SNAP91: variants seen among roughly 807,000 people sequenced by gnomAD.
The protein encoded by SNAP91 is synaptosome associated protein 91.
In SNAP91, 27 loss-of-function variants were observed where a neutral mutation model predicts 100.3. The ratio of observed to expected loss-of-function variants is 0.27; its 90% CI spans 0.20 to 0.37. SNAP91 has a LOEUF of 0.37. SNAP91 is among the 10% of genes least tolerant of loss of function. SNAP91 has a pLI of 1.00. For synonymous variants in SNAP91, 404 were observed against 398.6 expected (o/e 1.01, Z -0.16); for missense variants, 986 against 1,123.7 (o/e 0.88, Z 1.75).
intron 7 of SNAP91, among the ~76,000 whole-genome samples, chr6:83,651,004 A>C (rs2098179803): frequency 6.6e-6 from 1 of 152,202 alleles, no homozygotes; most frequent in African/African-American, 2.4e-5. Context: ...GTATCTTTCA[A>C]GGAGTTGGTC....
rs774185978 is a variant in SNAP91, at chr6:83,593,258, A to G, written c.1698T>C (p.Asp566=). 4 of 1,587,178 alleles carry G rather than the reference A, an allele frequency of 2.5e-6. No individual in the cohort carries two copies. The East Asian group carries it at 9.1e-5, about 36-fold the overall frequency. Residue 566 remains aspartate (D), a splice_region_variant and synonymous_variant, in exon 19 of 30, where the codon GAT becomes GAC. Coordinates refer to ENST00000369694, the MANE Select transcript of SNAP91 (RefSeq NM_001242792.2). ...CAACTTCAGGAGTGGACTCAAATAA[A>G]TCTAAGACCAAGAACACACATGCCT... ...TAPPALDIFG[D]LFESTPEVAA...
intron 5 of SNAP91, among the ~76,000 whole-genome samples, chr6:83,660,864 A>T (rs1391312696): frequency 6.6e-6 from 1 of 151,266 alleles, no homozygotes; most frequent in Non-Finnish European, 1.5e-5. Context: ...CTGTAGCCTC[A>T]GTCTCCTAGG....
Position 83,665,424 on chromosome 6 carries a change from G to A in SNAP91, c.273+15C>T. On this transcript the variant is annotated intron_variant, in intron 3 of 29. Coordinates refer to ENST00000369694, the MANE Select transcript of SNAP91 (RefSeq NM_001242792.2). Reference sequence around the variant, plus strand: ...TCCTTCCTCCATCAAAAAAAGAAAAGTTTACTTAGTTTACCTCATTTCCAT... The same window carrying A: ...TCCTTCCTCCATCAAAAAAAGAAAAATTTACTTAGTTTACCTCATTTCCAT... 4 of 1,604,948 alleles carry A rather than the reference G, an allele frequency of 2.5e-6. No homozygotes were observed. The highest frequency in any genetic ancestry group is 3.4e-6 in the Non-Finnish European group (4 of 1,176,230).
intron 22 of SNAP91, among the ~76,000 whole-genome samples, chr6:83,585,614 A>T (rs1330623406): frequency 6.6e-6 from 1 of 151,668 alleles, no homozygotes; most frequent in Non-Finnish European, 1.5e-5. Flanking sequence ...ATCATATTTG[A>T]ACTGTCCTAC....
intron 9 of SNAP91, among the ~76,000 whole-genome samples, chr6:83,617,881 G>T (rs565235295): frequency 6.6e-6 from 1 of 151,874 alleles, no homozygotes; most frequent in South Asian, 2.1e-4. Context: ...CTTAACAGCA[G>T]CATAGGCATT....
chr6:83,625,101 C>T lies in SNAP91; in HGVS notation c.766-1759G>A, dbSNP rs537114386. Among the ~76,000 whole-genome samples, 4 of 151,898 alleles carry T rather than the reference C, an allele frequency of 2.6e-5. No individual in the cohort carries two copies. The South Asian group carries it at 6.2e-4, about 24-fold the overall frequency. On this transcript the variant is annotated intron_variant, in intron 8 of 29. Coordinates refer to ENST00000369694, the MANE Select transcript of SNAP91 (RefSeq NM_001242792.2). ...ACTGTTCTCATCTGCATGTGTGTAC[C>T]CAAGATTTAGCTCTCACTAATAAGT... is the stretch of plus-strand genomic sequence containing the variant.
chr6:83,556,145 TA>T lies in SNAP91; in HGVS notation c.*7del. On this transcript the variant is annotated 3_prime_UTR_variant, in exon 29 of 30. Transcript: ENST00000369694. ...AGGAAAAGCTCAATATTAGATACCTTAAATTGTTTACAAGAAATCCTTGATG... is the reference window on the plus strand; with the variant it reads ...AGGAAAAGCTCAATATTAGATACCTTAATTGTTTACAAGAAATCCTTGATG... 6.6e-7 allele frequency: 1 copy of T among 1,524,320 alleles called. No homozygotes were observed. Among genetic ancestry groups the T allele is most frequent in the Non-Finnish European group, 8.9e-7 (1 of 1,121,548 alleles). The allele number at this position is 1,524,320 out of a possible 1,614,324, so 94.4% of individuals were successfully genotyped here.
intron 2 of SNAP91, among the ~76,000 whole-genome samples, chr6:83,667,580 T>C (rs2098709435): frequency 6.6e-6 from 1 of 151,924 alleles, no homozygotes; most frequent in African/African-American, 2.4e-5. Flanking sequence ...AACAGATTTA[T>C]TATTATTTAA....
chr6:83,590,379 T>TA (rs1247099471), intron 22 of SNAP91, among the ~76,000 whole-genome samples: 4 of 152,182 alleles, frequency 2.6e-5, no homozygotes, highest in Non-Finnish European at 5.9e-5. Flanking sequence ...GGAAGACCAA[T>TA]ACTTGGCTTT....
intron 2 of SNAP91, among the ~76,000 whole-genome samples, chr6:83,705,598 A>G (rs1220866235): frequency 1.3e-5 from 2 of 152,190 alleles, no homozygotes; most frequent in Non-Finnish European, 2.9e-5. Flanking sequence ...TGAGGGAAGG[A>G]GTTCAAGACC....
At chr6:83,646,407 A>G (rs217320) in intron 7 of SNAP91, among the ~76,000 whole-genome samples, 57,420 of 152,040 alleles carry the variant, frequency 0.38, 11,452 homozygotes, top group South Asian at 0.5. Context: ...TGTAAAGGGT[A>G]TAAGGTCTGT....
At chr6:83,614,978 A>C in intron 10 of SNAP91, 116 bp from the exon 11 acceptor site, 1 of 732,166 alleles carries the variant, frequency 1.4e-6, no homozygotes, top group East Asian at 2.8e-5. Flanking sequence ...GGTTTTAGCC[A>C]ATTCAGAAGA....
intron 22 of SNAP91, among the ~76,000 whole-genome samples, chr6:83,584,893 T>C (rs931494385): frequency 1.3e-5 from 2 of 152,214 alleles, no homozygotes; most frequent in Non-Finnish European, 2.9e-5. Flanking sequence ...GAAAAAATGC[T>C]GTAGTGGTAA....
chr6:83,582,649 A>C (rs1176910746), intron 22 of SNAP91, among the ~76,000 whole-genome samples: 1 of 152,252 alleles, frequency 6.6e-6, no homozygotes, highest in Admixed American at 6.5e-5. Context: ...TATATAAACA[A>C]ATAAGGTATC....
At chr6:83,642,346 C>T (rs2097745854) in intron 7 of SNAP91, among the ~76,000 whole-genome samples, 1 of 152,126 alleles carries the variant, frequency 6.6e-6, no homozygotes, top group Non-Finnish European at 1.5e-5. Context: ...CACCTCCCCT[C>T]ACCCCACAAC....
At chr6:83,587,726 GTGGTTTTATAT>G (rs2092973809) in intron 22 of SNAP91, among the ~76,000 whole-genome samples, 1 of 152,092 alleles carries the variant, frequency 6.6e-6, no homozygotes, top group Non-Finnish European at 1.5e-5. Flanking sequence ...AAATGTGACT[GTGGTTTTATAT>G]TGCGTTTATT....
intron 1 of SNAP91, chr6:83,708,170 G>A (rs1175135696): frequency 2.2e-6 from 1 of 460,890 alleles, no homozygotes; most frequent in Non-Finnish European, 3.8e-6. Flanking sequence ...GAACCCCAGC[G>A]TGGGCTCCAG....
At chr6:83,578,405 C>G (rs570776896) in intron 24 of SNAP91, among the ~76,000 whole-genome samples, 1 of 152,226 alleles carries the variant, frequency 6.6e-6, no homozygotes, top group East Asian at 1.9e-4. Flanking sequence ...TTATCTCCAT[C>G]CTATTGGGTA....
In SNAP91 at chr6:83,651,977, C is replaced by T. The variant is rs139031926; in HGVS notation, c.658+4777G>A. On this transcript the variant is annotated intron_variant, in intron 7 of 29. Transcript: ENST00000369694. ...GTTGCATCTGTTTGAAAAAATTGAC[C>T]CCTTTATCATCTGCCATGTCTGGAA... Among the ~76,000 whole-genome samples the T allele has an allele frequency of 1.4e-3, 207 of 152,156 alleles. 2 individuals carry two copies. Among genetic ancestry groups the T allele is most frequent in the African/African-American group, 4.4e-3 (183 of 41,514 alleles).
Sources: gnomAD v4.1 joint callset for allele counts (sites outside exome capture counted in the v4.1 genomes callset) on GRCh38, gnomAD v4.1.1 for gene constraint, MANE v1.5 for transcripts, NCBI Gene and HGNC (gene_info 2026-07-23, HGNC 2026-07-21) for gene names.